MYO1H: variants seen among roughly 807,000 people sequenced by gnomAD.
MYO1H encodes myosin IH, also known as unconventional myosin-Ih.
A neutral mutation model predicts 149.3 loss-of-function variants in MYO1H; 118 were observed. The observed-to-expected ratio is 0.79, with a 90% CI of 0.68 to 0.92. The LOEUF (loss-of-function observed/expected upper bound fraction) is 0.92, where lower values mean the gene tolerates loss of function less well. MYO1H is among the 40% of genes least tolerant of loss of function. The probability of loss-of-function intolerance (pLI) is 0.00; values close to 1 mark genes in which losing one functional copy is unlikely to be tolerated. For missense variants in MYO1H, 1,212 were observed against 1,280.7 expected (o/e 0.95, Z 0.82); for synonymous variants, 447 against 465.2 (o/e 0.96, Z 0.50).
chr12:109,412,019 G>A (rs769676885), intron 14 of MYO1H, 34 bp downstream of exon 14: 4 of 1,432,776 alleles, frequency 2.8e-6, no homozygotes, highest in South Asian at 2.6e-5. Flanking sequence ...TTTGCATGGG[G>A]GAAGATGATT....
In MYO1H at chr12:109,443,202, G is replaced by GTA. The variant is rs371506127; in HGVS notation, c.2689-308_2689-307dup. ...TGTGTATATGTGTACGTATATGTGT[G>GTA]TATATGTGTACGTATATGTGTGTGT... On this transcript the variant is annotated intron_variant, in intron 27 of 31. Coordinates refer to ENST00000310903, the Ensembl canonical transcript of MYO1H. Among the ~76,000 whole-genome samples, 86 of 80,896 alleles carry GTA rather than the reference G, an allele frequency of 1.1e-3. 5 individuals are homozygous for GTA. The highest frequency in any genetic ancestry group is 6.3e-3 in the African/African-American group (79 of 12,476). 53.1% of individuals were successfully genotyped at this position (80,896 alleles called of 152,430 possible).
intron 1 of MYO1H, among the ~76,000 whole-genome samples, chr12:109,372,858 C>CT (rs201823662): frequency 0.033 from 5,021 of 152,040 alleles, 117 homozygotes; most frequent in Middle Eastern, 0.058. Flanking sequence ...AAATTAATAA[C>CT]TATATGATAT....
intron 19 of MYO1H, 55 bp downstream of exon 19, chr12:109,427,641 A>C (rs1871409288): frequency 8.0e-7 from 1 of 1,253,730 alleles, no homozygotes. Flanking sequence ...CTACATGAGA[A>C]TCTCTGGGGT....
chr12:109,326,527 TA>T, the MYO1H span, among the ~76,000 whole-genome samples: 31 of 137,030 alleles, frequency 2.3e-4, no homozygotes, highest in African/African-American at 8.4e-4. Flanking sequence ...TATTTTATTT[TA>T]TTTTATTTTT....
chr12:109,312,790 GT>G, the MYO1H span, among the ~76,000 whole-genome samples: 4,114 of 145,494 alleles, frequency 0.028, 111 homozygotes, highest in African/African-American at 0.077. Context: ...GTTTTGTTTT[GT>G]TTTTTTTTTT....
chr12:109,444,266 G>A (rs755523003), exon 29 of MYO1H: 2 of 1,613,856 alleles, frequency 1.2e-6, no homozygotes, highest in East Asian at 2.2e-5. Context: ...TGTTTCACCA[G>A]AGGACAGCAA....
intron 1 of MYO1H, among the ~76,000 whole-genome samples, chr12:109,380,590 A>G (rs1032086857): frequency 2.0e-5 from 3 of 152,244 alleles, no homozygotes; most frequent in African/African-American, 4.8e-5. Flanking sequence ...AATAAAGCCA[A>G]TGAAACATTG....
chr12:109,355,249 T>C (rs1248196611), intron 1 of MYO1H, among the ~76,000 whole-genome samples: 5 of 152,184 alleles, frequency 3.3e-5, no homozygotes, highest in Non-Finnish European at 7.3e-5. Flanking sequence ...TCACACGACT[T>C]CAGGGGAATA....
intron 1 of MYO1H, among the ~76,000 whole-genome samples, chr12:109,362,720 C>T (rs897600624): frequency 6.6e-6 from 1 of 152,146 alleles, no homozygotes; most frequent in East Asian, 1.9e-4. Flanking sequence ...TGAGGACATT[C>T]CTTTCTTGTA....
At chr12:109,336,337 C>G in the MYO1H span, among the ~76,000 whole-genome samples, 14 of 152,316 alleles carry the variant, frequency 9.2e-5, no homozygotes, top group African/African-American at 2.9e-4. Flanking sequence ...AACACCACAT[C>G]TTCTGCAATC....
At chr12:109,434,966 G>T in intron 20 of MYO1H, 71 bp from the exon 21 acceptor site, 2 of 858,614 alleles carry the variant, frequency 2.3e-6, no homozygotes, top group Non-Finnish European at 3.7e-6. Flanking sequence ...AATTTTTGAA[G>T]GGGGCACCGT....
intron 4 of MYO1H, 93 bp downstream of exon 4, chr12:109,396,675 G>C: frequency 8.9e-7 from 1 of 1,118,550 alleles, no homozygotes; most frequent in Non-Finnish European, 1.2e-6. Context: ...AAATGGGCAG[G>C]TCACTGTTAA....
intron 14 of MYO1H, among the ~76,000 whole-genome samples, chr12:109,412,942 C>T (rs1327067842): frequency 4.2e-5 from 6 of 144,410 alleles, no homozygotes; most frequent in Admixed American, 1.4e-4. Context: ...CTTGCCACTA[C>T]GCCCGGCTAA....
Position 109,442,795 on chromosome 12 carries a change from C to CTGCCTTTTTTTTT in MYO1H, c.2688+524_2688+525insGCCTTTTTTTTTT, listed in dbSNP as rs1165995755. On this transcript the variant is annotated intron_variant, in intron 27 of 31. Transcript: ENST00000310903. ...GTGATCGTGTGTGCCAGTGTCTGCT[C>CTGCCTTTTTTTTT]TTTTTTTTTTTTTTTTTTTTTTTGT... is the stretch of plus-strand genomic sequence containing the variant. Among the ~76,000 whole-genome samples, 616 of 94,008 alleles carry CTGCCTTTTTTTTT rather than the reference C, an allele frequency of 6.6e-3. 79 individuals are homozygous for CTGCCTTTTTTTTT. In the East Asian group the frequency reaches 0.14, roughly 21 times the overall value. 61.7% of individuals were successfully genotyped at this position (94,008 alleles called of 152,430 possible). A position where few individuals can be genotyped will look rare whatever the true frequency, so the allele number is the denominator to read the frequency against.
At chr12:109,418,881 T>A (rs1871045313) in intron 15 of MYO1H, among the ~76,000 whole-genome samples, 1 of 152,122 alleles carries the variant, frequency 6.6e-6, no homozygotes, top group Non-Finnish European at 1.5e-5. Context: ...TTTCTAAGAA[T>A]CTTTTAAAAA....
chr12:109,328,655 A>G, the MYO1H span, among the ~76,000 whole-genome samples: 1 of 152,110 alleles, frequency 6.6e-6, no homozygotes, highest in East Asian at 1.9e-4. Context: ...TGAAACTATA[A>G]AAAGAACATC....
chr12:109,425,937 T>C lies in MYO1H; in HGVS notation c.1726-9T>C. 1.3e-6 allele frequency: 2 copies of C among 1,597,530 alleles called. No homozygotes were observed. The highest frequency in any genetic ancestry group is 1.7e-6 in the Non-Finnish European group (2 of 1,165,398). ...CTCGTTCTCTCTCTCTTTCTCTCTC[T>C]CTCTGCAGGTGGGGACTCAGTTTAA... On this transcript the variant is annotated splice_polypyrimidine_tract_variant and intron_variant, in intron 17 of 31. Coordinates refer to ENST00000310903, the Ensembl canonical transcript of MYO1H.
In MYO1H at chr12:109,406,494, AAAAAAAT is replaced by A. The variant is rs1167687111; in HGVS notation, c.964-294_964-288del. ...AAAAAAAAAAAAAAAAAAAAAAAAA[AAAAAAAT>A]TAGCTATGAATGGTGGCACACACCT... On this transcript the variant is annotated intron_variant, in intron 8 of 31. Transcript: ENST00000310903. Among the ~76,000 whole-genome samples, 223 of 132,610 alleles carry A rather than the reference AAAAAAAT, an allele frequency of 1.7e-3. 4 individuals are homozygous for A. The highest frequency in any genetic ancestry group is 6.5e-3 in the African/African-American group (214 of 32,884). The allele number at this position is 132,610 out of a possible 152,430, so 87.0% of individuals were successfully genotyped here. A position where few individuals can be genotyped will look rare whatever the true frequency, so the allele number is the denominator to read the frequency against.
At chr12:109,350,993 C>T (rs376254605) in intron 1 of MYO1H, among the ~76,000 whole-genome samples, 4 of 97,058 alleles carry the variant, frequency 4.1e-5, no homozygotes, top group Admixed American at 2.2e-4. Context: ...GAACAACCAC[C>T]ATCAGTAATT....
Sources: allele counts gnomAD v4.1 joint callset (sites outside exome capture counted in the v4.1 genomes callset), GRCh38; gene constraint gnomAD v4.1.1; transcripts MANE v1.5; gene names NCBI Gene and HGNC (gene_info 2026-07-23, HGNC 2026-07-21).